Variants in NUAK1 observed in about 807,000 individuals in gnomAD.
The protein encoded by NUAK1 is NUAK family SNF1-like kinase 1.
In NUAK1, 26 loss-of-function variants were observed where a neutral mutation model predicts 56.9. That is an observed-to-expected ratio of 0.46 (90% CI 0.33 to 0.63). The LOEUF (loss-of-function observed/expected upper bound fraction) is 0.63. Ranked by LOEUF, NUAK1 falls within the 30% of genes least tolerant of loss-of-function variation. The pLI is 0.02. For synonymous variants in NUAK1, 337 were observed against 336.0 expected, an observed-to-expected ratio of 1.00 and a Z score of -0.03; for missense variants, 727 against 876.1, an observed-to-expected ratio of 0.83 and a Z score of 2.15.
chr12:106,136,879 A>T (rs1055951062), intron 1 of NUAK1, among the ~76,000 whole-genome samples: 19 of 152,170 alleles, frequency 1.2e-4, no homozygotes, highest in African/African-American at 4.1e-4. Context: ...CTTCTTCCAC[A>T]AACCTGAAAT....
At chr12:106,096,780 A>T (rs1316471867) in intron 2 of NUAK1, among the ~76,000 whole-genome samples, 1 of 152,184 alleles carries the variant, frequency 6.6e-6, no homozygotes, top group Non-Finnish European at 1.5e-5. Context: ...ATGACAAACG[A>T]TCAGACCAAG....
Position 106,076,989 on chromosome 12 carries a change from G to GT in NUAK1, c.580-4147dup, listed in dbSNP as rs1423979544. Among the ~76,000 whole-genome samples the GT allele has an allele frequency of 2.0e-5, 3 of 152,146 alleles. No individual in the cohort carries two copies. In the East Asian group the frequency reaches 5.8e-4, roughly 29 times the overall value. On this transcript the variant is annotated intron_variant, in intron 4 of 6. Transcript: ENST00000261402. ...CCACTGAACTGTGTACCTAAAACTGGTAAGTTTGATGTTACATATATTTTA... is the reference window on the plus strand; with the variant it reads ...CCACTGAACTGTGTACCTAAAACTGGTTAAGTTTGATGTTACATATATTTTA...
In NUAK1 at chr12:106,072,832, A is replaced by G. The variant is rs746531960; in HGVS notation, c.591T>C (p.Phe197=). The change falls in exon 5 of 7, where the codon TTT becomes TTC. Residue 197 remains phenylalanine (F), a synonymous_variant. Coordinates refer to ENST00000261402, the MANE Select transcript of NUAK1 (RefSeq NM_014840.3). The stretch of plus-strand genomic sequence containing the variant: ...CCTTCTGGTACAGGTTGGAAAGCCC[A>G]AAGTCAGCAATCTACAAAGAGAAGC... ...DDNCNIKIAD[F]GLSNLYQKDK... is the part of the protein sequence containing the mutation. 6.2e-7 allele frequency: 1 copy of G among 1,614,048 alleles called. No homozygotes were observed.
rs893426392 is a variant in NUAK1 at position 106,073,269 on chromosome 12, G to C, written c.580-426C>G. ...TGGTCTACCCAATTATGCTGCATCTGCGGTGGTGTGCATATCACACTGCGG... is the reference window on the plus strand; with the variant it reads ...TGGTCTACCCAATTATGCTGCATCTCCGGTGGTGTGCATATCACACTGCGG... On this transcript the variant is annotated intron_variant, in intron 4 of 6. Coordinates refer to ENST00000261402, the MANE Select transcript of NUAK1 (RefSeq NM_014840.3). Among the ~76,000 whole-genome samples the C allele has an allele frequency of 7.2e-5, 11 of 152,132 alleles. 1 individual carries two copies. Among genetic ancestry groups the C allele is most frequent in the African/African-American group, 2.4e-4 (10 of 41,414 alleles).
At position 106,067,406 on chromosome 12, in the gene NUAK1, G is replaced by A. The variant is rs757219955; in HGVS notation, c.1382C>T (p.Thr461Met). Residue 461 changes from threonine to methionine, a missense_variant, in exon 7 of 7, where the codon ACG becomes ATG. Thr to Met is a moderately conservative substitution (Grantham distance 81). Coordinates refer to ENST00000261402, the MANE Select transcript of NUAK1 (RefSeq NM_014840.3). This position sits in a 1 kb window ranked among gnomAD's most constrained non-coding sequence, Gnocchi z 6.0. ...TTTCAAGATGCCTTTCTTGGGCATC[G>A]TGGCCGACTGCTTGGGGCTGAGTTT... ...PGKLSPKQSA[T>M]MPKKGILKKT... The A allele has an allele frequency of 9.3e-6, 15 of 1,614,050 alleles. No homozygotes were observed. The highest frequency in any genetic ancestry group is 2.7e-5 in the African/African-American group (2 of 74,900).
chr12:106,078,454 A>G (rs1436218034), intron 4 of NUAK1, among the ~76,000 whole-genome samples: 1 of 152,246 alleles, frequency 6.6e-6, no homozygotes, highest in Non-Finnish European at 1.5e-5. Flanking sequence ...GTAAAGTTCT[A>G]CATAAAGGGG....
intron 2 of NUAK1, among the ~76,000 whole-genome samples, chr12:106,100,076 C>T (rs1299019141): frequency 2.8e-5 from 4 of 145,444 alleles, no homozygotes; most frequent in Non-Finnish European, 4.6e-5. Flanking sequence ...CTCAAGAGTT[C>T]GAGACCAGCC....
At chr12:106,072,307 T>G (rs976085457) in intron 5 of NUAK1, among the ~76,000 whole-genome samples, 1 of 152,254 alleles carries the variant, frequency 6.6e-6, no homozygotes, top group Non-Finnish European at 1.5e-5. Flanking sequence ...ATTAAAATCA[T>G]GTTTTTAATA....
At chr12:106,101,222 A>T (rs944939498) in intron 2 of NUAK1, among the ~76,000 whole-genome samples, 5 of 152,230 alleles carry the variant, frequency 3.3e-5, no homozygotes, top group Admixed American at 3.3e-4. Flanking sequence ...CTGCAGAGCC[A>T]GCAAGAGAAG....
chr12:106,098,360 AG>A (rs1465932735), intron 2 of NUAK1, among the ~76,000 whole-genome samples: 1 of 152,190 alleles, frequency 6.6e-6, no homozygotes, highest in Non-Finnish European at 1.5e-5. Context: ...TAAGGCTCAC[AG>A]GGTGGGGGCA....
chr12:106,098,455 T>G (rs1318106504), intron 2 of NUAK1, among the ~76,000 whole-genome samples: 1 of 152,162 alleles, frequency 6.6e-6, no homozygotes, highest in Non-Finnish European at 1.5e-5. Flanking sequence ...GGATGAGAGA[T>G]CACAGTTAAC....
intron 1 of NUAK1, among the ~76,000 whole-genome samples, chr12:106,115,358 G>A (rs909443002): frequency 6.6e-6 from 1 of 152,152 alleles, no homozygotes; most frequent in Non-Finnish European, 1.5e-5. Flanking sequence ...TGAAAGAGAA[G>A]ATTCTGCAGA....
intron 4 of NUAK1, among the ~76,000 whole-genome samples, chr12:106,077,286 AT>A (rs2032473916): frequency 6.6e-6 from 1 of 152,188 alleles, no homozygotes; most frequent in Non-Finnish European, 1.5e-5. Context: ...CAAGTTCCTC[AT>A]CTGCAAAATG....
intron 2 of NUAK1, among the ~76,000 whole-genome samples, chr12:106,096,900 A>AT (rs1370451638): frequency 1.3e-5 from 2 of 152,138 alleles, no homozygotes; most frequent in African/African-American, 4.8e-5. Flanking sequence ...AGGCATCAGC[A>AT]TTTTTTACAA....
At chr12:106,081,575 G>C (rs1293997397) in intron 4 of NUAK1, among the ~76,000 whole-genome samples, 1 of 152,178 alleles carries the variant, frequency 6.6e-6, no homozygotes, top group African/African-American at 2.4e-5. Flanking sequence ...CTTGGTGCAG[G>C]GGAACTGTCA....
At chr12:106,100,918 C>T (rs2032740986) in intron 2 of NUAK1, among the ~76,000 whole-genome samples, 1 of 152,224 alleles carries the variant, frequency 6.6e-6, no homozygotes, top group African/African-American at 2.4e-5. Context: ...TCTTTAACAG[C>T]TTCTACTCAT....
chr12:106,089,711 C>T (rs751593435), intron 2 of NUAK1, among the ~76,000 whole-genome samples: 3 of 152,162 alleles, frequency 2.0e-5, no homozygotes, highest in Non-Finnish European at 4.4e-5. Context: ...ATAGCTTGAA[C>T]CCAGGAGGTG....
rs933563219 is a variant in NUAK1 at position 106,138,667 on chromosome 12, G to A, written c.-14C>T. 3.3e-6 allele frequency: 5 copies of A among 1,507,464 alleles called. No homozygotes were observed. The highest frequency in any genetic ancestry group is 4.4e-6 in the Non-Finnish European group (5 of 1,138,088). The allele number at this position is 1,507,464 out of a possible 1,614,324, so 93.4% of individuals were successfully genotyped here. ...GGCCCCTTCCATGTCCAAGCGCGGGGCGAGCCGGGCTACAGAGGGCAAGAC... is the reference window on the plus strand; with the variant it reads ...GGCCCCTTCCATGTCCAAGCGCGGGACGAGCCGGGCTACAGAGGGCAAGAC... On this transcript the variant is annotated 5_prime_UTR_variant, in exon 1 of 7. Transcript: ENST00000261402. The surrounding 1 kb of genome is among the most constrained non-coding windows in gnomAD (Gnocchi z 5.0).
chr12:106,101,133 C>A (rs1203948836), intron 2 of NUAK1, among the ~76,000 whole-genome samples: 1 of 152,236 alleles, frequency 6.6e-6, no homozygotes, highest in Non-Finnish European at 1.5e-5. Context: ...ACTGCTGCCA[C>A]ACTCCTTGCC....
Sources: gnomAD v4.1 joint callset for allele counts (sites outside exome capture counted in the v4.1 genomes callset) on GRCh38, gnomAD v4.1.1 for gene constraint, Gnocchi (gnomAD v3.1) non-coding constraint, MANE v1.5 for transcripts, NCBI Gene and HGNC (gene_info 2026-07-23, HGNC 2026-07-21) for gene names.